The following CDH9 variants were observed in gnomAD, a reference collection of about 807,000 sequenced individuals.
The protein encoded by CDH9 is cadherin-9.
In CDH9, 28 loss-of-function variants were observed where a neutral mutation model predicts 70.9. That is an observed-to-expected ratio of 0.40 (90% CI 0.29 to 0.54). The LOEUF (loss-of-function observed/expected upper bound fraction) is 0.54. Among genes scored for constraint, CDH9 ranks in the 20% least tolerant of loss-of-function variants. The pLI is 0.59. For synonymous variants in CDH9, 409 were observed against 343.1 expected (o/e 1.19, Z -2.12); for missense variants, 874 against 984.4 (o/e 0.89, Z 1.50).
At chr5:26,883,721 T>A (rs187381085) in intron 11 of CDH9, among the ~76,000 whole-genome samples, 44 of 152,254 alleles carry the variant, frequency 2.9e-4, no homozygotes, top group Non-Finnish European at 5.1e-4. Flanking sequence ...TTGTCTTACA[T>A]GTTTTACTCT....
intron 3 of CDH9, among the ~76,000 whole-genome samples, chr5:26,910,643 G>C (rs1741035441): frequency 6.6e-6 from 1 of 152,180 alleles, no homozygotes; most frequent in South Asian, 2.1e-4. Flanking sequence ...AAGAAAAGAG[G>C]TGAATAGTAT....
intron 2 of CDH9, among the ~76,000 whole-genome samples, chr5:26,984,208 G>A (rs939616989): frequency 6.6e-6 from 1 of 152,096 alleles, no homozygotes; most frequent in East Asian, 1.9e-4. Context: ...AGGTAACTCT[G>A]CAATAAAGAT....
At position 27,032,889 on chromosome 5, in the gene CDH9, T is replaced by C. The variant is rs997735689; in HGVS notation, c.-50+5574A>G. Among the ~76,000 whole-genome samples the C allele has an allele frequency of 4.0e-5, 6 of 151,396 alleles. 1 individual carries two copies. The highest frequency in any genetic ancestry group is 3.3e-4 in the Admixed American group (5 of 15,140). On this transcript the variant is annotated intron_variant, in intron 1 of 11. Coordinates refer to ENST00000231021, the MANE Select transcript of CDH9 (RefSeq NM_016279.4). ...TTTGCTTTGTATTATACATGACTAA[T>C]GTAAAATTATAATAATTTTATTTCC...
intron 2 of CDH9, among the ~76,000 whole-genome samples, chr5:26,978,999 G>C (rs964579532): frequency 1.3e-5 from 2 of 151,662 alleles, no homozygotes; most frequent in East Asian, 3.9e-4. Context: ...AAGTAATGCT[G>C]AAAGAATCCT....
intron 2 of CDH9, among the ~76,000 whole-genome samples, chr5:26,971,228 C>T (rs888021762): frequency 1.3e-5 from 2 of 152,080 alleles, no homozygotes; most frequent in Non-Finnish European, 2.9e-5. Context: ...AGATGAAGCA[C>T]GCATTACCAG....
rs1401648215 is a variant in CDH9, at chr5:26,907,144, C to G, written c.524-306G>C. ...TTGGAAGTGTTTTAGGGCAAACATT[C>G]TTAAAATGAATATAACACACATGAA... On this transcript the variant is annotated intron_variant, in intron 3 of 11. Transcript: ENST00000231021. Among the ~76,000 whole-genome samples the G allele has an allele frequency of 1.8e-4, 28 of 152,006 alleles. 1 individual carries two copies. Among genetic ancestry groups the G allele is most frequent in the Admixed American group, 1.8e-3 (28 of 15,238 alleles).
At chr5:26,893,648 A>G (rs924963171) in intron 7 of CDH9, among the ~76,000 whole-genome samples, 1 of 151,824 alleles carries the variant, frequency 6.6e-6, no homozygotes, top group Admixed American at 6.6e-5. Flanking sequence ...TAGATATAAA[A>G]ATATGTAAGA....
At chr5:26,899,007 G>A (rs979643530) in intron 7 of CDH9, among the ~76,000 whole-genome samples, 2 of 151,940 alleles carry the variant, frequency 1.3e-5, no homozygotes, top group African/African-American at 4.8e-5. Flanking sequence ...AAAGGTGAGT[G>A]AAGGATATGA....
chr5:26,988,915 A>C (rs1742534918), intron 1 of CDH9, among the ~76,000 whole-genome samples: 1 of 152,000 alleles, frequency 6.6e-6, no homozygotes, highest in African/African-American at 2.4e-5. Context: ...ATATGGTACC[A>C]AATATACTTA....
At chr5:26,973,085 A>C (rs1337416077) in intron 2 of CDH9, among the ~76,000 whole-genome samples, 1 of 152,034 alleles carries the variant, frequency 6.6e-6, no homozygotes, top group Non-Finnish European at 1.5e-5. Context: ...GCTGGTCTCG[A>C]ACTCCTGACC....
At chr5:26,922,577 T>C (rs992496854) in intron 2 of CDH9, among the ~76,000 whole-genome samples, 3 of 152,080 alleles carry the variant, frequency 2.0e-5, no homozygotes, top group African/African-American at 7.2e-5. Context: ...AGACCTGACC[T>C]ACAAGAAATG....
chr5:26,977,247 G>A (rs1181716), intron 2 of CDH9, among the ~76,000 whole-genome samples: 122,910 of 151,716 alleles, frequency 0.81, 50,592 homozygotes, highest in South Asian at 0.9. Context: ...ATGGAAACTG[G>A]CAAGATAATT....
chr5:26,940,984 C>T (rs1285632878), intron 2 of CDH9, among the ~76,000 whole-genome samples: 1 of 152,210 alleles, frequency 6.6e-6, no homozygotes, highest in African/African-American at 2.4e-5. Flanking sequence ...TTTCATAGAA[C>T]ATAAATTGTG....
intron 1 of CDH9, among the ~76,000 whole-genome samples, chr5:27,019,555 G>A (rs1743101753): frequency 6.6e-6 from 1 of 151,828 alleles, no homozygotes; most frequent in Admixed American, 6.6e-5. Context: ...TGAGCAGGTT[G>A]AGGTAATGTA....
intron 3 of CDH9, among the ~76,000 whole-genome samples, chr5:26,910,501 C>A (rs1741033216): frequency 6.6e-6 from 1 of 152,190 alleles, no homozygotes; most frequent in Admixed American, 6.5e-5. Context: ...CTCTCTCACA[C>A]ACATTCTCTT....
intron 1 of CDH9, among the ~76,000 whole-genome samples, chr5:27,030,627 G>A (rs1399558710): frequency 6.6e-6 from 1 of 151,492 alleles, no homozygotes; most frequent in Admixed American, 6.6e-5. Context: ...AGACTTAACT[G>A]CTTTCTAGGT....
At chr5:26,923,383 G>A (rs1419410217) in intron 2 of CDH9, among the ~76,000 whole-genome samples, 2 of 151,734 alleles carry the variant, frequency 1.3e-5, no homozygotes, top group African/African-American at 2.4e-5. Context: ...TGTAAATTGA[G>A]CAACCTATAT....
In CDH9 at chr5:26,902,346, G is replaced by T. The variant is rs140643392; in HGVS notation, c.1253+130C>A. 552 of 627,308 alleles carry T rather than the reference G, an allele frequency of 8.8e-4. 9 individuals are homozygous for T. In the East Asian group the frequency reaches 0.014, roughly 15 times the overall value. The allele number at this position is 627,308 out of a possible 1,614,324, so 38.9% of individuals were successfully genotyped here. A position where few individuals can be genotyped will look rare whatever the true frequency, so the allele number is the denominator to read the frequency against. ...GTGCAACCATTTTTTCACACAGTTT[G>T]TAAATAGTGAGATTATTGGTATTAT... On this transcript the variant is annotated intron_variant, in intron 7 of 11. Coordinates refer to ENST00000231021, the MANE Select transcript of CDH9 (RefSeq NM_016279.4).
At chr5:26,958,459 T>G (rs1741981702) in intron 2 of CDH9, among the ~76,000 whole-genome samples, 1 of 152,318 alleles carries the variant, frequency 6.6e-6, no homozygotes, top group African/African-American at 2.4e-5. Context: ...TGAGATAAAG[T>G]CTGTCATTCC....
Sources: gnomAD v4.1 joint callset for allele counts (sites outside exome capture counted in the v4.1 genomes callset) on GRCh38, gnomAD v4.1.1 for gene constraint, MANE v1.5 for transcripts, NCBI Gene and HGNC (gene_info 2026-07-23, HGNC 2026-07-21) for gene names.